Variants in PICALM observed in about 807,000 individuals in gnomAD.
PICALM encodes the protein phosphatidylinositol binding clathrin assembly protein, also known as phosphatidylinositol-binding clathrin assembly protein.
A neutral mutation model predicts 80.5 loss-of-function variants in PICALM; 40 were observed. That is an observed-to-expected ratio of 0.50 (90% CI 0.39 to 0.65). The LOEUF (loss-of-function observed/expected upper bound fraction) is 0.65. Among genes scored for constraint, PICALM ranks in the 30% least tolerant of loss-of-function variants. PICALM has a pLI of 0.00. For missense variants in PICALM, 676 were observed against 778.9 expected, an observed-to-expected ratio of 0.87 and a Z score of 1.57; for synonymous variants, 288 against 260.3, an observed-to-expected ratio of 1.11 and a Z score of -1.02.
At chr11:85,976,134 A>G (rs1183339864) in intron 18 of PICALM, among the ~76,000 whole-genome samples, 36 of 152,158 alleles carry the variant, frequency 2.4e-4, no homozygotes. Flanking sequence ...AGAGTTGGGA[A>G]ACTAAGGGCA....
At chr11:85,982,294 G>T (rs2094461941) in intron 14 of PICALM, 1 of 250,820 alleles carries the variant, frequency 4.0e-6, no homozygotes, top group South Asian at 7.1e-5. Context: ...AAAAACAAAT[G>T]TAATTCTCCT....
chr11:85,965,989 G>C (rs1050970498), intron 19 of PICALM, among the ~76,000 whole-genome samples: 9 of 151,504 alleles, frequency 5.9e-5, no homozygotes, highest in African/African-American at 1.9e-4. Flanking sequence ...GCTAATTTTT[G>C]TATTTTTTGT....
At chr11:86,051,741 G>A (rs1356017339) in intron 1 of PICALM, among the ~76,000 whole-genome samples, 1 of 152,140 alleles carries the variant, frequency 6.6e-6, no homozygotes, top group Non-Finnish European at 1.5e-5. Flanking sequence ...ATTCCTCAAA[G>A]AAAAGCTCTC....
intron 4 of PICALM, among the ~76,000 whole-genome samples, chr11:86,016,960 G>A (rs1388393242): frequency 6.6e-6 from 1 of 152,128 alleles, no homozygotes; most frequent in Admixed American, 6.5e-5. Flanking sequence ...GTTGGCTCAC[G>A]CTTGTAATCC....
intron 1 of PICALM, among the ~76,000 whole-genome samples, chr11:86,064,489 C>T (rs1485958017): frequency 6.6e-6 from 1 of 151,404 alleles, no homozygotes. Flanking sequence ...ACAAGGAGAC[C>T]CTGTCTGTAT....
At chr11:86,041,412 A>G (rs576240423) in intron 1 of PICALM, among the ~76,000 whole-genome samples, 1 of 152,252 alleles carries the variant, frequency 6.6e-6, no homozygotes, top group African/African-American at 2.4e-5. Context: ...CTACCTCAAT[A>G]AAAAGCCTCT....
intron 19 of PICALM, among the ~76,000 whole-genome samples, chr11:85,966,766 C>A (rs1379786795): frequency 6.6e-6 from 1 of 152,082 alleles, no homozygotes. Flanking sequence ...TAAGGAGAGG[C>A]ACGTGGAGGT....
At chr11:85,970,306 A>G (rs2094058216) in intron 19 of PICALM, among the ~76,000 whole-genome samples, 1 of 152,260 alleles carries the variant, frequency 6.6e-6, no homozygotes, top group Non-Finnish European at 1.5e-5. Context: ...GACTGGACAA[A>G]GAATAAACCC....
At chr11:85,982,489 G>A (rs1342052439) in intron 14 of PICALM, among the ~76,000 whole-genome samples, 6 of 138,742 alleles carry the variant, frequency 4.3e-5, no homozygotes, top group African/African-American at 1.7e-4. Context: ...CTGCAGTGGC[G>A]CAATCTCGGC....
intron 1 of PICALM, among the ~76,000 whole-genome samples, chr11:86,038,343 C>T (rs1418528771): frequency 6.6e-6 from 1 of 151,248 alleles, no homozygotes; most frequent in Non-Finnish European, 1.5e-5. Flanking sequence ...CAAAACAAAA[C>T]AAAAAAAGAA....
chr11:86,056,108 C>T (rs1275908262), intron 1 of PICALM, among the ~76,000 whole-genome samples: 1 of 115,292 alleles, frequency 8.7e-6, no homozygotes, highest in Non-Finnish European at 1.7e-5. Flanking sequence ...GCACTCTAGC[C>T]TGGGTGACAG....
intron 1 of PICALM, among the ~76,000 whole-genome samples, chr11:86,067,172 T>C (rs1364070000): frequency 6.6e-6 from 1 of 152,200 alleles, no homozygotes; most frequent in African/African-American, 2.4e-5. Flanking sequence ...CTACATTTCG[T>C]ACATTTTTTT....
rs1018132503 is a variant in PICALM, at chr11:85,957,921, C to G, written c.*1125G>C. The G allele has an allele frequency of 1.3e-5, 3 of 223,776 alleles. No homozygotes were observed. Among genetic ancestry groups the G allele is most frequent in the Non-Finnish European group, 1.8e-5 (2 of 111,996 alleles). The allele number at this position is 223,776 out of a possible 1,614,324, so 13.9% of individuals were successfully genotyped here. A position where few individuals can be genotyped will look rare whatever the true frequency, so the allele number is the denominator to read the frequency against. ...AGTTTAATTCTTCGTTTACTAAACTCTTGGCTAGACATTAACTTTAAAGAT... is the reference window on the plus strand; with the variant it reads ...AGTTTAATTCTTCGTTTACTAAACTGTTGGCTAGACATTAACTTTAAAGAT... On this transcript the variant is annotated 3_prime_UTR_variant, in exon 20 of 20. Transcript: ENST00000393346.
intron 9 of PICALM, among the ~76,000 whole-genome samples, 171 bp downstream of exon 9, chr11:86,003,194 TA>T (rs1476033948): frequency 6.6e-6 from 1 of 152,234 alleles, no homozygotes; most frequent in Non-Finnish European, 1.5e-5. Context: ...TTGCATGTAT[TA>T]ATCCATTTAA....
intron 12 of PICALM, among the ~76,000 whole-genome samples, chr11:85,992,716 G>A (rs1412461468): frequency 6.6e-6 from 1 of 152,144 alleles, no homozygotes; most frequent in Non-Finnish European, 1.5e-5. Context: ...ATTTTTTAAA[G>A]ACACATTATT....
chr11:85,973,996 T>C (rs1461366850), intron 19 of PICALM, among the ~76,000 whole-genome samples: 4 of 151,710 alleles, frequency 2.6e-5, no homozygotes, highest in African/African-American at 9.7e-5. Context: ...ACCAGAGAAG[T>C]GAATAACAAA....
intron 13 of PICALM, among the ~76,000 whole-genome samples, chr11:85,987,855 C>T (rs920419692): frequency 6.6e-6 from 1 of 152,236 alleles, no homozygotes; most frequent in African/African-American, 2.4e-5. Flanking sequence ...TGTATGTAAA[C>T]TTCAGGACAA....
intron 9 of PICALM, among the ~76,000 whole-genome samples, chr11:86,002,394 A>G (rs1006817052): frequency 6.6e-6 from 1 of 152,224 alleles, no homozygotes; most frequent in African/African-American, 2.4e-5. Flanking sequence ...TTCTTTCTTC[A>G]TGCTGTTTTA....
chr11:85,980,685 A>T (rs1391630196), intron 17 of PICALM, among the ~76,000 whole-genome samples: 1 of 152,214 alleles, frequency 6.6e-6, no homozygotes, highest in Non-Finnish European at 1.5e-5. Flanking sequence ...AAATAAATAA[A>T]AAATTTGAGG....
Sources: allele counts gnomAD v4.1 joint callset (sites outside exome capture counted in the v4.1 genomes callset), GRCh38; gene constraint gnomAD v4.1.1; transcripts MANE v1.5; gene names NCBI Gene and HGNC (gene_info 2026-07-23, HGNC 2026-07-21).